The following CACNA2D3 variants were observed in gnomAD, a reference collection of about 807,000 sequenced individuals.
CACNA2D3 encodes calcium voltage-gated channel auxiliary subunit alpha2delta 3.
In CACNA2D3, 60 loss-of-function variants were observed where a neutral mutation model predicts 160.6. The observed-to-expected ratio is 0.37, with a 90% CI of 0.30 to 0.46. The LOEUF is 0.46. CACNA2D3 is among the 20% of genes least tolerant of loss of function. The pLI, the probability that CACNA2D3 is intolerant of heterozygous loss-of-function variation, is 1.00. For missense variants in CACNA2D3, 1,205 were observed against 1,365.0 expected (o/e 0.88, Z 1.85); for synonymous variants, 558 against 492.9 (o/e 1.13, Z -1.75).
intron 4 of CACNA2D3, among the ~76,000 whole-genome samples, chr3:54,482,237 A>G (rs554373020): frequency 6.6e-6 from 1 of 152,290 alleles, no homozygotes; most frequent in East Asian, 1.9e-4. Context: ...GTAAGTTGAA[A>G]TTTTTGTTGT....
chr3:54,356,549 C>T (rs1156325716), intron 3 of CACNA2D3, among the ~76,000 whole-genome samples: 1 of 152,116 alleles, frequency 6.6e-6, no homozygotes, highest in Non-Finnish European at 1.5e-5. Context: ...CCCTGTGAAA[C>T]CCTTTATAAA....
intron 2 of CACNA2D3, among the ~76,000 whole-genome samples, chr3:54,165,501 A>G (rs1472061690): frequency 6.6e-6 from 1 of 151,538 alleles, no homozygotes; most frequent in East Asian, 1.9e-4. Context: ...CTTGACCTCC[A>G]TATATTGAGG....
Position 54,885,304 on chromosome 3 carries a change from G to A in CACNA2D3, c.1936G>A (p.Asp646Asn), listed in dbSNP as rs1699896338. 3.1e-6 allele frequency: 5 copies of A among 1,613,742 alleles called. No homozygotes were observed. The highest frequency in any genetic ancestry group is 4.2e-6 in the Non-Finnish European group (5 of 1,179,828). ...AGGCCTGCATGACTTAGAACATCCC[G>A]ATGTGTCCTTGGCAGATGAATGGTA... ...EEGLHDLEHP[D>N]VSLADEWSYC... The change falls in exon 22 of 38, where the codon GAT (aspartate) becomes AAT (asparagine). Residue 646 changes from aspartate (D) to asparagine (N), a missense_variant. By Grantham distance (23) the Asp-to-Asn change is conservative (BLOSUM62 1). This residue lies in a region of CACNA2D3 where 911 missense variants were observed against 1,002.2 expected (regional missense o/e 0.91). Coordinates refer to ENST00000474759, the MANE Select transcript of CACNA2D3 (RefSeq NM_018398.3).
At chr3:54,742,935 C>A (rs1701683623) in intron 11 of CACNA2D3, among the ~76,000 whole-genome samples, 1 of 152,116 alleles carries the variant, frequency 6.6e-6, no homozygotes, top group African/African-American at 2.4e-5. Flanking sequence ...TATCACTGAG[C>A]TTCAGGAGAA....
At chr3:54,955,269 A>G (rs1481162061) in intron 27 of CACNA2D3, among the ~76,000 whole-genome samples, 3 of 152,218 alleles carry the variant, frequency 2.0e-5, no homozygotes, top group Admixed American at 2.0e-4. Flanking sequence ...CTGCACAGGG[A>G]CAAAGGTTGT....
At chr3:54,685,977 G>A (rs905508041) in intron 11 of CACNA2D3, among the ~76,000 whole-genome samples, 1 of 152,192 alleles carries the variant, frequency 6.6e-6, no homozygotes, top group Admixed American at 6.5e-5. Context: ...GCCCTGAAAG[G>A]GGATCAGTAG....
intron 5 of CACNA2D3, among the ~76,000 whole-genome samples, chr3:54,527,023 C>A (rs748239992): frequency 1.3e-5 from 2 of 152,160 alleles, no homozygotes; most frequent in African/African-American, 2.4e-5. Flanking sequence ...ACTATTCTCT[C>A]TTTTTTTAAA....
intron 10 of CACNA2D3, among the ~76,000 whole-genome samples, chr3:54,635,069 G>A (rs561920349): frequency 1.3e-5 from 2 of 152,042 alleles, no homozygotes; most frequent in South Asian, 2.1e-4. Context: ...TAGGGGCGGT[G>A]TGGGAACCTA....
intron 2 of CACNA2D3, among the ~76,000 whole-genome samples, chr3:54,165,551 A>C (rs927971874): frequency 6.9e-4 from 104 of 151,034 alleles, no homozygotes; most frequent in Non-Finnish European, 1.4e-3. Context: ...CAGGCTGGGC[A>C]CAGTGGCTCA....
intron 5 of CACNA2D3, among the ~76,000 whole-genome samples, chr3:54,538,737 A>T (rs1329801546): frequency 6.6e-6 from 1 of 152,156 alleles, no homozygotes; most frequent in Admixed American, 6.5e-5. Flanking sequence ...GCGGAGAATT[A>T]TGGGGGTGCT....
intron 2 of CACNA2D3, among the ~76,000 whole-genome samples, chr3:54,191,540 GTTT>G (rs1700984219): frequency 1.3e-5 from 2 of 152,094 alleles, no homozygotes; most frequent in South Asian, 4.1e-4. Context: ...GCCATGGGCT[GTTT>G]TTTGTCTGTG....
intron 35 of CACNA2D3, among the ~76,000 whole-genome samples, chr3:55,054,896 A>G (rs550107670): frequency 6.6e-6 from 1 of 152,126 alleles, no homozygotes; most frequent in South Asian, 2.1e-4. Flanking sequence ...GCCTGGTTTT[A>G]GGCTTCAGAA....
chr3:54,837,125 G>C lies in CACNA2D3; in HGVS notation c.1399-34G>C, dbSNP rs770855335. The C allele has an allele frequency of 4.4e-6, 7 of 1,602,910 alleles. No individual in the cohort carries two copies. The South Asian group carries it at 6.6e-5, about 15-fold the overall frequency. On this transcript the variant is annotated intron_variant, in intron 14 of 37. Transcript: ENST00000474759. ...CCTCCAGAACTGTGGTTTCCAGACC[G>C]TTCCCCGGTAACTGGCTTTTCTCTT...
At chr3:54,708,615 G>A (rs1338380019) in intron 11 of CACNA2D3, among the ~76,000 whole-genome samples, 1 of 152,186 alleles carries the variant, frequency 6.6e-6, no homozygotes, top group Non-Finnish European at 1.5e-5. Context: ...GAGGTAGAGA[G>A]TTGGGCTATT....
At chr3:54,809,176 C>G (rs1209604477) in intron 13 of CACNA2D3, among the ~76,000 whole-genome samples, 3 of 151,534 alleles carry the variant, frequency 2.0e-5, no homozygotes, top group Non-Finnish European at 4.4e-5. Context: ...TCTTTCATTG[C>G]TTCTTCCTTT....
chr3:54,825,910 T>C (rs1406814794), intron 14 of CACNA2D3, among the ~76,000 whole-genome samples: 1 of 152,156 alleles, frequency 6.6e-6, no homozygotes, highest in Non-Finnish European at 1.5e-5. Flanking sequence ...GTGTGGAAGA[T>C]ATACTAGATT....
At chr3:54,593,379 CAG>C (rs896257192) in intron 9 of CACNA2D3, among the ~76,000 whole-genome samples, 2 of 148,544 alleles carry the variant, frequency 1.3e-5, no homozygotes, top group Non-Finnish European at 3.0e-5. Context: ...TGCTTAAAGA[CAG>C]AAAGAAAGAA....
At chr3:54,289,966 C>G (rs1043898566) in intron 2 of CACNA2D3, among the ~76,000 whole-genome samples, 1 of 150,954 alleles carries the variant, frequency 6.6e-6, no homozygotes, top group Non-Finnish European at 1.5e-5. Context: ...TAGAAGAAAA[C>G]GTAGGCATTA....
At chr3:54,125,082 A>G (rs1281078907) in intron 2 of CACNA2D3, among the ~76,000 whole-genome samples, 1 of 152,250 alleles carries the variant, frequency 6.6e-6, no homozygotes, top group Admixed American at 6.5e-5. Context: ...AACATTTTGT[A>G]TAACTTTAAA....
Sources: allele counts gnomAD v4.1 joint callset (sites outside exome capture counted in the v4.1 genomes callset), GRCh38; gene constraint gnomAD v4.1.1; regional missense constraint gnomAD v4.1.1; transcripts MANE v1.5; gene names NCBI Gene and HGNC (gene_info 2026-07-23, HGNC 2026-07-21).